SGCZ: variants seen among roughly 807,000 people sequenced by gnomAD.
The protein encoded by SGCZ is zeta-sarcoglycan.
SGCZ carries 40 observed loss-of-function variants against 41.3 expected under a neutral mutation model. The ratio of observed to expected loss-of-function variants is 0.97; its 90% CI spans 0.75 to 1.26. The LOEUF (loss-of-function observed/expected upper bound fraction) is 1.26, where lower values mean the gene tolerates loss of function less well. Among genes scored for constraint, SGCZ ranks in the 50% most tolerant of loss-of-function variants. SGCZ has a pLI of 0.00. For synonymous variants in SGCZ, 206 were observed against 137.5 expected (o/e 1.50, Z -3.49); for missense variants, 552 against 369.8 (o/e 1.49, Z -4.04).
At chr8:14,213,290 TG>T (rs1033579763) in intron 4 of SGCZ, among the ~76,000 whole-genome samples, 1 of 151,998 alleles carries the variant, frequency 6.6e-6, no homozygotes, top group African/African-American at 2.4e-5. Context: ...CAAAAATTCC[TG>T]AAAGCAATTA....
At chr8:14,350,268 G>A (rs979381437) in intron 2 of SGCZ, among the ~76,000 whole-genome samples, 9 of 151,116 alleles carry the variant, frequency 6.0e-5, no homozygotes, top group African/African-American at 2.2e-4. Context: ...ACCTAAGTAT[G>A]CTTTTTCAAG....
At chr8:14,486,024 G>A (rs1453517870) in intron 2 of SGCZ, among the ~76,000 whole-genome samples, 1 of 151,968 alleles carries the variant, frequency 6.6e-6, no homozygotes, top group Non-Finnish European at 1.5e-5. Context: ...TGTATTTTTA[G>A]TAGAGACGGG....
At chr8:14,274,013 G>C (rs1800146457) in intron 3 of SGCZ, among the ~76,000 whole-genome samples, 1 of 152,028 alleles carries the variant, frequency 6.6e-6, no homozygotes. Flanking sequence ...GTATTTGTTA[G>C]AAATAGGCTT....
intron 1 of SGCZ, among the ~76,000 whole-genome samples, chr8:15,136,858 G>A (rs1808126677): frequency 1.3e-5 from 2 of 152,162 alleles, no homozygotes; most frequent in African/African-American, 4.8e-5. Flanking sequence ...GGTACTGGTA[G>A]AGTGAGGTGC....
chr8:15,071,438 G>T (rs760177934), intron 1 of SGCZ, among the ~76,000 whole-genome samples: 2 of 152,034 alleles, frequency 1.3e-5, no homozygotes, highest in Non-Finnish European at 2.9e-5. Flanking sequence ...AATTTATTAT[G>T]CATGTCATAC....
chr8:15,119,908 C>T (rs984446831), intron 1 of SGCZ, among the ~76,000 whole-genome samples: 22 of 152,212 alleles, frequency 1.4e-4, no homozygotes, highest in African/African-American at 5.1e-4. Context: ...CTCCTGAGCT[C>T]AAGCCATCCT....
chr8:14,148,451 T>G (rs1393008919), intron 5 of SGCZ, among the ~76,000 whole-genome samples: 2 of 152,052 alleles, frequency 1.3e-5, no homozygotes, highest in Non-Finnish European at 2.9e-5. Context: ...GACAAATTTC[T>G]AGACACATAC....
intron 1 of SGCZ, among the ~76,000 whole-genome samples, chr8:14,572,829 C>T (rs1166763376): frequency 6.6e-6 from 1 of 152,220 alleles, no homozygotes; most frequent in South Asian, 2.1e-4. Flanking sequence ...GAATAGAAAC[C>T]AGATTTTTAA....
At chr8:14,703,928 T>C (rs1809248689) in intron 1 of SGCZ, among the ~76,000 whole-genome samples, 1 of 152,036 alleles carries the variant, frequency 6.6e-6, no homozygotes, top group African/African-American at 2.4e-5. Context: ...GCAGGAATTT[T>C]CCCTCTAATT....
At chr8:15,133,401 C>G (rs944606129) in intron 1 of SGCZ, among the ~76,000 whole-genome samples, 16 of 152,172 alleles carry the variant, frequency 1.1e-4, no homozygotes, top group African/African-American at 2.9e-4. Flanking sequence ...TCCTCCCTAT[C>G]TCTACAGGTC....
At chr8:14,382,339 C>A (rs1425587827) in intron 2 of SGCZ, among the ~76,000 whole-genome samples, 1 of 151,984 alleles carries the variant, frequency 6.6e-6, no homozygotes, top group Non-Finnish European at 1.5e-5. Context: ...AGGCCCAAAG[C>A]CTGTGGGAAT....
At chr8:14,429,009 G>C (rs1396785611) in intron 2 of SGCZ, among the ~76,000 whole-genome samples, 1 of 152,092 alleles carries the variant, frequency 6.6e-6, no homozygotes, top group Non-Finnish European at 1.5e-5. Flanking sequence ...TAAAACAGCT[G>C]ATTTATTTCA....
intron 1 of SGCZ, among the ~76,000 whole-genome samples, chr8:15,083,929 T>C (rs1805856684): frequency 2.0e-5 from 3 of 152,326 alleles, no homozygotes; most frequent in South Asian, 4.1e-4. Context: ...CCATGTTTCA[T>C]GGTCCTTGAC....
At chr8:15,007,972 A>G (rs1802665853) in intron 1 of SGCZ, among the ~76,000 whole-genome samples, 1 of 152,180 alleles carries the variant, frequency 6.6e-6, no homozygotes, top group Non-Finnish European at 1.5e-5. Context: ...TCCATACAAA[A>G]TATTAATTTT....
At chr8:15,119,888 T>C (rs1807413628) in intron 1 of SGCZ, among the ~76,000 whole-genome samples, 1 of 152,186 alleles carries the variant, frequency 6.6e-6, no homozygotes, top group Non-Finnish European at 1.5e-5. Context: ...TAACGCATTG[T>C]GGCCTCGAAC....
intron 1 of SGCZ, among the ~76,000 whole-genome samples, chr8:15,057,247 A>C (rs1486408654): frequency 6.6e-6 from 1 of 152,208 alleles, no homozygotes; most frequent in Non-Finnish European, 1.5e-5. Flanking sequence ...CCCTATGTTG[A>C]GCAAGAATAT....
Position 14,108,759 on chromosome 8 carries a change from G to GTCAA in SGCZ, c.548-528_548-525dup, listed in dbSNP as rs898112680. ...GAAGAATATCACCAGGCAGGGAAGA[G>GTCAA]TCAATCAAGGTAAATCTAAATGTCA... On this transcript the variant is annotated intron_variant, in intron 5 of 7. Coordinates refer to ENST00000382080, the MANE Select transcript of SGCZ (RefSeq NM_139167.4). 4.3e-4 allele frequency among the ~76,000 whole-genome samples: 66 copies of GTCAA among 152,244 alleles called. 2 individuals are homozygous for GTCAA. Among genetic ancestry groups the GTCAA allele is most frequent in the African/African-American group, 1.5e-3 (64 of 41,538 alleles).
At chr8:14,172,313 A>T (rs1443135669) in intron 4 of SGCZ, among the ~76,000 whole-genome samples, 1 of 152,160 alleles carries the variant, frequency 6.6e-6, no homozygotes, top group African/African-American at 2.4e-5. Flanking sequence ...AGATTGTGGC[A>T]ACAAGAGAAA....
intron 2 of SGCZ, among the ~76,000 whole-genome samples, chr8:14,358,328 T>C (rs745702502): frequency 2.6e-5 from 4 of 152,190 alleles, no homozygotes; most frequent in Admixed American, 1.3e-4. Context: ...GTTTTTTCCA[T>C]ATTGCACAAC....
Sources: allele counts gnomAD v4.1 joint callset (sites outside exome capture counted in the v4.1 genomes callset), GRCh38; gene constraint gnomAD v4.1.1; transcripts MANE v1.5; gene names NCBI Gene and HGNC (gene_info 2026-07-23, HGNC 2026-07-21).